Variants in TSC22D4 observed in about 807,000 individuals in gnomAD.
TSC22D4 encodes TSC22 domain family member 4, also known as TSC22 domain family protein 4.
TSC22D4 carries 5 observed loss-of-function variants against 24.9 expected under a neutral mutation model. That is an observed-to-expected ratio of 0.20 (90% CI 0.10 to 0.42). The LOEUF (loss-of-function observed/expected upper bound fraction) is 0.42, where lower values mean the gene tolerates loss of function less well. Among genes scored for constraint, TSC22D4 ranks in the 10% least tolerant of loss-of-function variants. TSC22D4 has a pLI of 1.00. For missense variants in TSC22D4, 469 were observed against 547.9 expected, an observed-to-expected ratio of 0.86 and a Z score of 1.44; for synonymous variants, 245 against 243.2, an observed-to-expected ratio of 1.01 and a Z score of -0.07.
intron 1 of TSC22D4, among the ~76,000 whole-genome samples, 185 bp from the exon 2 acceptor site, chr7:100,478,492 G>C (rs972923645): frequency 2.0e-5 from 3 of 151,836 alleles, no homozygotes; most frequent in Middle Eastern, 3.4e-3. Context: ...ACAGGCAAGA[G>C]ATGACAGAGA....
intron 3 of TSC22D4, chr7:100,467,959 T>C (rs1173573797): frequency 3.9e-6 from 2 of 509,768 alleles, no homozygotes; most frequent in Non-Finnish European, 7.9e-6. Context: ...GGGGAAAGGG[T>C]CCTTAGACAC....
chr7:100,467,072 C>T lies in TSC22D4; in HGVS notation c.1075G>A (p.Glu359Lys), dbSNP rs765973346. ...GCGCGCAGCAGCCCATTCTCCTGCT[C>T]CAGCGCAGCGTTCCGCTCCGCCAAT... Reference protein sequence around the residue: ...RELAERNAALEQENGLLRALA... With the variant: ...RELAERNAALKQENGLLRALA... Residue 359 changes from glutamate to lysine, a missense_variant, in exon 5 of 5, where the codon GAG (glutamate) becomes AAG (lysine). Glu to Lys is a moderately conservative substitution (Grantham distance 56). Coordinates refer to ENST00000300181, the MANE Select transcript of TSC22D4 (RefSeq NM_030935.5). The T allele has an allele frequency of 2.4e-5, 38 of 1,613,934 alleles. No homozygotes were observed. The highest frequency in any genetic ancestry group is 3.1e-5 in the Non-Finnish European group (37 of 1,180,004).
Position 100,477,240 on chromosome 7 carries a change from C to T in TSC22D4, c.762+37G>A. The T allele has an allele frequency of 6.9e-7, 1 of 1,444,130 alleles. No homozygotes were observed. The highest frequency in any genetic ancestry group is 9.1e-7 in the Non-Finnish European group (1 of 1,093,304). 89.5% of individuals were successfully genotyped at this position (1,444,130 alleles called of 1,614,324 possible). ...AGGAGGCTCAAGATAGAGGTTAGGC[C>T]AGGGCTGATGGGCCAGCCCTAGAAC... On this transcript the variant is annotated intron_variant, in intron 2 of 4. Transcript: ENST00000300181. The surrounding 1 kb of genome is among the most constrained non-coding windows in gnomAD (Gnocchi z 7.8).
chr7:100,468,333 G>A lies in TSC22D4; in HGVS notation c.930-733C>T, dbSNP rs1193998473. On this transcript the variant is annotated intron_variant, in intron 3 of 4. Transcript: ENST00000300181. ...GGGCAGAAGCCTGGGTCTGAGCGGG[G>A]AGTGAAGGGTGTGAAGGGAGAGGAA... 6.6e-5 allele frequency among the ~76,000 whole-genome samples: 10 copies of A among 152,288 alleles called. No homozygotes were observed. The South Asian group carries it at 2.1e-3, about 32-fold the overall frequency.
intron 3 of TSC22D4, among the ~76,000 whole-genome samples, chr7:100,470,288 A>G (rs1799367763): frequency 6.6e-6 from 1 of 152,100 alleles, no homozygotes; most frequent in African/African-American, 2.4e-5. Context: ...CCGACAGGTG[A>G]CTGTCTTCTG....
At chr7:100,471,137 C>G (rs746598345) in intron 3 of TSC22D4, among the ~76,000 whole-genome samples, 1 of 147,772 alleles carries the variant, frequency 6.8e-6, no homozygotes, top group Non-Finnish European at 1.5e-5. Flanking sequence ...CCCCCAGGGC[C>G]TAGGTCTGGG....
intron 3 of TSC22D4, chr7:100,467,919 G>C (rs1294812264): frequency 7.1e-6 from 4 of 563,312 alleles, no homozygotes; most frequent in Admixed American, 6.6e-5. Flanking sequence ...CCAGGGACTT[G>C]ACAGAGACCC....
At chr7:100,476,733 C>T (rs1799502834) in intron 2 of TSC22D4, among the ~76,000 whole-genome samples, 2 of 152,198 alleles carry the variant, frequency 1.3e-5, no homozygotes, top group African/African-American at 4.8e-5. Context: ...GTGTTCCCCC[C>T]ACCCAATTTC....
chr7:100,472,794 G>A lies in TSC22D4; in HGVS notation c.929+1480C>T, dbSNP rs898399518. On this transcript the variant is annotated intron_variant, in intron 3 of 4. Transcript: ENST00000300181. ...CCTTTGCCAGGTCCCTATCCTCCCT[G>A]AGGCCGCAGGACCCTATCAGTGGTG... Among the ~76,000 whole-genome samples, 4 of 147,162 alleles carry A rather than the reference G, an allele frequency of 2.7e-5. 1 individual carries two copies. Among genetic ancestry groups the A allele is most frequent in the Non-Finnish European group, 3.0e-5 (2 of 67,558 alleles).
Position 100,474,289 on chromosome 7 carries a change from T to A in TSC22D4, c.914A>T (p.Asp305Val), listed in dbSNP as rs377605423. The A allele has an allele frequency of 6.2e-7, 1 of 1,613,904 alleles. No homozygotes were observed. Among genetic ancestry groups the A allele is most frequent in the Admixed American group, 1.7e-5 (1 of 59,982 alleles). The change falls in exon 3 of 5, where the codon GAC becomes GTC. Residue 305 changes from aspartate (D) to valine (V), a missense_variant. Coordinates refer to ENST00000300181, the MANE Select transcript of TSC22D4 (RefSeq NM_030935.5). This position sits in a 1 kb window ranked among gnomAD's most constrained non-coding sequence, Gnocchi z 4.3. ...GCCCACCTACCTATCATCGTCGCTG[T>A]CTAGGTGACCACTGATGGCCAACAT... ...HSMLAISGHL[D>V]SDDDSGSGSL...
At chr7:100,476,934 T>TGG (rs1799506773) in intron 2 of TSC22D4, among the ~76,000 whole-genome samples, 1 of 152,100 alleles carries the variant, frequency 6.6e-6, no homozygotes, top group Non-Finnish European at 1.5e-5. Context: ...GCTATCCAGC[T>TGG]GGGGCCTCCA....
chr7:100,468,160 C>A (rs897227068), intron 3 of TSC22D4: 15 of 312,906 alleles, frequency 4.8e-5, no homozygotes, highest in Non-Finnish European at 7.1e-5. Flanking sequence ...ACACGGGGAC[C>A]CCCCCTCCTT....
At position 100,466,680 on chromosome 7, in the gene TSC22D4, C is replaced by G; in HGVS notation, c.*279G>C. 2.1e-6 allele frequency: 1 copy of G among 478,552 alleles called. No homozygotes were observed. Among genetic ancestry groups the G allele is most frequent in the Non-Finnish European group, 3.7e-6 (1 of 269,732 alleles). 29.6% of individuals were successfully genotyped at this position (478,552 alleles called of 1,614,324 possible). ...GGTGTCTGCCGGGGAGCCTCCGACT[C>G]CCCCAAGCCGTCTACTGCTGGGGGG... On this transcript the variant is annotated 3_prime_UTR_variant, in exon 5 of 5. Coordinates refer to ENST00000300181, the MANE Select transcript of TSC22D4 (RefSeq NM_030935.5).
rs1422580511 is a variant in TSC22D4, at chr7:100,466,974, A to G, written c.1173T>C (p.Asn391=). 9 of 1,576,302 alleles carry G rather than the reference A, an allele frequency of 5.7e-6. No individual in the cohort carries two copies. The highest frequency in any genetic ancestry group is 1.3e-5 in the African/African-American group (1 of 74,110). The change falls in exon 5 of 5, where the codon AAT becomes AAC. Residue 391 remains asparagine (N), a synonymous_variant. Coordinates refer to ENST00000300181, the MANE Select transcript of TSC22D4 (RefSeq NM_030935.5). The part of the protein sequence containing the change: ...GVPRLGPPAP[N]GPSV ...GAAGGGAGGCTCAGACGGAGGGCCC[A>G]TTGGGCGCAGGGGGCCCAAGCCGTG...
At chr7:100,468,065 G>A (rs1799322368) in intron 3 of TSC22D4, 3 of 413,698 alleles carry the variant, frequency 7.3e-6, no homozygotes, top group Admixed American at 3.4e-5. Flanking sequence ...CAGGCAGAGA[G>A]GAGACAGTGC....
rs567877647 is a variant in TSC22D4 at position 100,466,598 on chromosome 7, C to T, written c.*361G>A. 6.8e-5 allele frequency: 18 copies of T among 265,172 alleles called. No homozygotes were observed. Among genetic ancestry groups the T allele is most frequent in the African/African-American group, 3.3e-4 (15 of 45,254 alleles). The allele number at this position is 265,172 out of a possible 1,614,324, so 16.4% of individuals were successfully genotyped here. ...TCCCAGAACTTCCAGATACTGTCCA[C>T]ACTCCCTCCCCTGGGCAGAGGAGAG... On this transcript the variant is annotated 3_prime_UTR_variant, in exon 5 of 5. Coordinates refer to ENST00000300181, the MANE Select transcript of TSC22D4 (RefSeq NM_030935.5).
rs536240449 is a variant in TSC22D4 at position 100,477,582 on chromosome 7, G to C, written c.457C>G (p.Arg153Gly). The change falls in exon 2 of 5, where the codon CGT (arginine) becomes GGT (glycine). Residue 153 changes from arginine (R) to glycine (G), a missense_variant. By Grantham distance (125) the Arg-to-Gly change is moderately radical. Coordinates refer to ENST00000300181, the MANE Select transcript of TSC22D4 (RefSeq NM_030935.5). The surrounding 1 kb of genome is among the most constrained non-coding windows in gnomAD (Gnocchi z 7.8). ...GLSQGPTSWL[R>G]PPPTSPGPQA... ...GGTCCAGGAGAGGTGGGGGGTGGAC[G>C]GAGCCAGGAGGTGGGGCCCTGAGAC... The C allele has an allele frequency of 2.6e-5, 41 of 1,586,678 alleles. No individual in the cohort carries two copies. In the Admixed American group the frequency reaches 4.2e-4, roughly 16 times the overall value.
chr7:100,476,961 G>GC (rs1328441864), intron 2 of TSC22D4, among the ~76,000 whole-genome samples: 1 of 152,160 alleles, frequency 6.6e-6, no homozygotes, highest in African/African-American at 2.4e-5. Flanking sequence ...TCACCTAGAG[G>GC]CAGAGGGGCT....
Position 100,477,252 on chromosome 7 carries a change from G to A in TSC22D4, c.762+25C>T. On this transcript the variant is annotated intron_variant, in intron 2 of 4. Transcript: ENST00000300181. This position sits in a 1 kb window ranked among gnomAD's most constrained non-coding sequence, Gnocchi z 7.8. Reference sequence around the variant, plus strand: ...ATAGAGGTTAGGCCAGGGCTGATGGGCCAGCCCTAGAACCCAGGTCTTACC... The same window carrying A: ...ATAGAGGTTAGGCCAGGGCTGATGGACCAGCCCTAGAACCCAGGTCTTACC... 6.8e-7 allele frequency: 1 copy of A among 1,461,330 alleles called. No homozygotes were observed. The highest frequency in any genetic ancestry group is 2.4e-5 in the East Asian group (1 of 41,440). 90.5% of individuals were successfully genotyped at this position (1,461,330 alleles called of 1,614,324 possible).
Sources: allele counts gnomAD v4.1 joint callset (sites outside exome capture counted in the v4.1 genomes callset), GRCh38; gene constraint gnomAD v4.1.1; non-coding constraint Gnocchi (gnomAD v3.1); transcripts MANE v1.5; gene names NCBI Gene and HGNC (gene_info 2026-07-23, HGNC 2026-07-21).